PRKCE: variants seen among roughly 807,000 people sequenced by gnomAD.
The protein encoded by PRKCE is protein kinase C epsilon type.
In PRKCE, 16 loss-of-function variants were observed where a neutral mutation model predicts 85.4. That is an observed-to-expected ratio of 0.19 (90% confidence interval 0.13 to 0.28). The LOEUF (loss-of-function observed/expected upper bound fraction) is 0.28, where lower values mean the gene tolerates loss of function less well. Ranked by LOEUF, PRKCE falls within the 10% of genes least tolerant of loss-of-function variation. The pLI is 1.00. For missense variants in PRKCE, 573 were observed against 975.2 expected, an observed-to-expected ratio of 0.59 and a Z score of 5.49; for synonymous variants, 388 against 371.5, an observed-to-expected ratio of 1.04 and a Z score of -0.51.
chr2:45,797,325 C>T (rs1435408213), intron 1 of PRKCE, among the ~76,000 whole-genome samples: 7 of 152,184 alleles, frequency 4.6e-5, no homozygotes, highest in Middle Eastern at 3.2e-3. Flanking sequence ...GGGAGCCACG[C>T]ATGTCCTTGT....
At chr2:45,773,917 G>A (rs545273426) in intron 1 of PRKCE, among the ~76,000 whole-genome samples, 6 of 152,302 alleles carry the variant, frequency 3.9e-5, no homozygotes, top group Admixed American at 2.0e-4. Context: ...TGCCCTCCTC[G>A]TGGAGCAGGC....
intron 1 of PRKCE, chr2:45,677,830 A>T (rs1406916425): frequency 1.0e-6 from 1 of 985,448 alleles, no homozygotes; most frequent in East Asian, 1.1e-4. Flanking sequence ...ATTCTGTTTC[A>T]GAGACACAAC....
chr2:45,743,393 A>G (rs188462679), intron 1 of PRKCE, among the ~76,000 whole-genome samples: 1 of 152,158 alleles, frequency 6.6e-6, no homozygotes, highest in African/African-American at 2.4e-5. Flanking sequence ...TTTGTCAATT[A>G]TACCTCAATA....
At chr2:46,090,741 A>G (rs1670087421) in intron 11 of PRKCE, among the ~76,000 whole-genome samples, 2 of 139,398 alleles carry the variant, frequency 1.4e-5, no homozygotes, top group South Asian at 4.5e-4. Context: ...CCTTTGTATC[A>G]AGCTGCAAAA....
In PRKCE at chr2:46,034,522, C is replaced by G. The variant is rs943282290; in HGVS notation, c.1437+24005C>G. Among the ~76,000 whole-genome samples the G allele has an allele frequency of 5.3e-5, 8 of 152,236 alleles. 1 individual carries two copies. The highest frequency in any genetic ancestry group is 4.6e-4 in the Admixed American group (7 of 15,290). The stretch of plus-strand genomic sequence containing the variant: ...TATAGATCTCTAGCCACCAATCCTT[C>G]AAACCTCAAGCAACACCAGAATTGG... On this transcript the variant is annotated intron_variant, in intron 10 of 14. Coordinates refer to ENST00000306156, the MANE Select transcript of PRKCE (RefSeq NM_005400.3).
intron 10 of PRKCE, among the ~76,000 whole-genome samples, chr2:46,079,541 G>A (rs748965178): frequency 8.5e-5 from 13 of 152,220 alleles, no homozygotes; most frequent in Non-Finnish European, 1.9e-4. Flanking sequence ...GTTTCAGAGT[G>A]TGAAGTTAGG....
At chr2:45,713,634 T>A (rs892902105) in intron 1 of PRKCE, among the ~76,000 whole-genome samples, 2 of 152,186 alleles carry the variant, frequency 1.3e-5, no homozygotes, top group African/African-American at 4.8e-5. Context: ...TGTTTTTAGG[T>A]TGAGGAGTTA....
chr2:46,110,062 T>G (rs1672111532), intron 11 of PRKCE, among the ~76,000 whole-genome samples: 1 of 152,192 alleles, frequency 6.6e-6, no homozygotes, highest in East Asian at 1.9e-4. Flanking sequence ...GGTTGTGGTA[T>G]ATAATTCTTT....
intron 14 of PRKCE, among the ~76,000 whole-genome samples, chr2:46,179,054 G>T (rs1313179477): frequency 4.6e-5 from 7 of 152,108 alleles, no homozygotes; most frequent in Non-Finnish European, 1.0e-4. Flanking sequence ...TCTGGGTTGG[G>T]GTCACTATGC....
At chr2:46,117,802 G>A (rs906322716) in intron 11 of PRKCE, among the ~76,000 whole-genome samples, 2 of 152,218 alleles carry the variant, frequency 1.3e-5, no homozygotes, top group African/African-American at 4.8e-5. Context: ...TTGCCATAAT[G>A]TGGAGCCAGG....
At chr2:45,743,895 A>G (rs1266681658) in intron 1 of PRKCE, among the ~76,000 whole-genome samples, 2 of 151,898 alleles carry the variant, frequency 1.3e-5, no homozygotes, top group African/African-American at 4.8e-5. Context: ...CACCAGCATG[A>G]CCTCATCCCC....
intron 8 of PRKCE, among the ~76,000 whole-genome samples, chr2:46,005,697 A>T (rs990547385): frequency 6.6e-6 from 1 of 152,148 alleles, no homozygotes; most frequent in Non-Finnish European, 1.5e-5. Context: ...AGGAGTAAAT[A>T]AAAGAGCTTC....
At chr2:45,716,638 G>C (rs1353269703) in intron 1 of PRKCE, among the ~76,000 whole-genome samples, 1 of 146,160 alleles carries the variant, frequency 6.8e-6, no homozygotes, top group Non-Finnish European at 1.5e-5. Flanking sequence ...AGGAGAAGAA[G>C]AAGAAGAAGA....
chr2:45,719,274 G>A (rs1196338006), intron 1 of PRKCE, among the ~76,000 whole-genome samples: 1 of 152,224 alleles, frequency 6.6e-6, no homozygotes. Context: ...TGTTTCATCA[G>A]ATTGACATCT....
intron 2 of PRKCE, among the ~76,000 whole-genome samples, chr2:45,899,736 C>T (rs1696431459): frequency 6.6e-6 from 1 of 152,180 alleles, no homozygotes; most frequent in Admixed American, 6.5e-5. Flanking sequence ...TGAATTCTCT[C>T]TCAGAAGTGG....
chr2:45,711,134 C>G (rs1050330720), intron 1 of PRKCE, among the ~76,000 whole-genome samples: 1 of 152,224 alleles, frequency 6.6e-6, no homozygotes, highest in African/African-American at 2.4e-5. Flanking sequence ...ACGTGCAACT[C>G]AACCACTTAC....
At chr2:45,750,396 G>A (rs1309561531) in intron 1 of PRKCE, among the ~76,000 whole-genome samples, 1 of 152,196 alleles carries the variant, frequency 6.6e-6, no homozygotes, top group Non-Finnish European at 1.5e-5. Flanking sequence ...CCTTGTGTGT[G>A]TGTCCTGTTG....
chr2:46,033,907 T>C (rs1439908624), intron 10 of PRKCE, among the ~76,000 whole-genome samples: 2 of 152,092 alleles, frequency 1.3e-5, no homozygotes, highest in African/African-American at 2.4e-5. Context: ...GAGGAACAAA[T>C]TGAGGGGTCA....
At chr2:46,073,086 G>T (rs992155652) in intron 10 of PRKCE, among the ~76,000 whole-genome samples, 1 of 152,144 alleles carries the variant, frequency 6.6e-6, no homozygotes, top group African/African-American at 2.4e-5. Flanking sequence ...TGCTACCAAG[G>T]GGTTCTAAAC....
Sources: allele counts gnomAD v4.1 joint callset (sites outside exome capture counted in the v4.1 genomes callset), GRCh38; gene constraint gnomAD v4.1.1; transcripts MANE v1.5; gene names NCBI Gene and HGNC (gene_info 2026-07-23, HGNC 2026-07-21).